The following PLXNA1 variants were observed in gnomAD, a reference collection of about 807,000 sequenced individuals.
The protein encoded by PLXNA1 is plexin-A1.
Under a neutral mutation model 191.7 loss-of-function variants are expected in PLXNA1, and 77 were observed. The ratio of observed to expected loss-of-function variants is 0.40; its 90% CI spans 0.33 to 0.49. The LOEUF (loss-of-function observed/expected upper bound fraction) is 0.49. Ranked by LOEUF, PLXNA1 falls within the 20% of genes least tolerant of loss-of-function variation. The pLI is 0.63. For synonymous variants in PLXNA1, 1,137 were observed against 1,156.4 expected, an observed-to-expected ratio of 0.98 and a Z score of 0.34; for missense variants, 2,110 against 2,660.2, an observed-to-expected ratio of 0.79 and a Z score of 4.55.
At chr3:127,025,082 C>G (rs1182877948) in intron 23 of PLXNA1, among the ~76,000 whole-genome samples, 1 of 152,152 alleles carries the variant, frequency 6.6e-6, no homozygotes, top group African/African-American at 2.4e-5. Context: ...CTTCACCACC[C>G]AGTGCCCCTC....
rs148479611 is a variant in PLXNA1 at position 127,016,326 on chromosome 3, G to A, written c.3015-191G>A. On this transcript the variant is annotated intron_variant, in intron 15 of 31. Coordinates refer to ENST00000393409, the MANE Select transcript of PLXNA1 (RefSeq NM_032242.4). ...TGGGCAACAGTGGGGGCCTGAAGGG[G>A]CTGGGAGCCAGGGCGAGGGTAGGAC... Among the ~76,000 whole-genome samples the A allele has an allele frequency of 3.3e-5, 5 of 152,272 alleles. No individual in the cohort carries two copies. In the East Asian group the frequency reaches 9.7e-4, roughly 29 times the overall value.
intron 3 of PLXNA1, 22 bp downstream of exon 3, chr3:126,991,588 GT>G: frequency 5.8e-6 from 9 of 1,540,780 alleles, no homozygotes; most frequent in Non-Finnish European, 7.9e-6. Context: ...GTGGGGTGGG[GT>G]GAGGAGGGGG....
At position 127,012,026 on chromosome 3, in the gene PLXNA1, G is replaced by C; in HGVS notation, c.2181G>C (p.Leu727=). The change falls in exon 10 of 32, where the codon CTG becomes CTC. Residue 727 remains leucine, a synonymous_variant. Transcript: ENST00000393409. ...VPVGVVKPIT[L]AARNLPQPQS... ...TGGGAGTGGTAAAACCCATCACCCT[G>C]GCCGCACGGAACCTGCCACAGCCAC... 1 of 1,613,704 alleles carries C rather than the reference G, an allele frequency of 6.2e-7. No individual in the cohort carries two copies. The highest frequency in any genetic ancestry group is 8.5e-7 in the Non-Finnish European group (1 of 1,180,030).
At position 126,989,274 on chromosome 3, in the gene PLXNA1, A is replaced by G. The variant is rs1284327696; in HGVS notation, c.681A>G (p.Ser227=). The G allele has an allele frequency of 1.2e-5, 20 of 1,613,584 alleles. No homozygotes were observed. Among genetic ancestry groups the G allele is most frequent in the Non-Finnish European group, 1.7e-5 (20 of 1,180,056 alleles). The change falls in exon 2 of 32, where the codon TCA becomes TCG. Residue 227 remains serine, a synonymous_variant. Transcript: ENST00000393409. ...GFVYQDEFVS[S]QLKIPSDTLS... is the part of the protein sequence containing the mutation. ...TGTACCAGGATGAGTTTGTGTCATC[A>G]CAGCTCAAGATCCCTTCGGACACGC...
chr3:127,024,720 G>C (rs1365085922), intron 23 of PLXNA1, among the ~76,000 whole-genome samples: 1 of 152,152 alleles, frequency 6.6e-6, no homozygotes, highest in Non-Finnish European at 1.5e-5. Context: ...ATATATGCAA[G>C]GGAGGACACG....
Position 127,007,932 on chromosome 3 carries a change from G to A in PLXNA1, c.2112+19G>A. 1 of 1,561,268 alleles carries A rather than the reference G, an allele frequency of 6.4e-7. No individual in the cohort carries two copies. ...GTCTGAGGTAAGGCCGGGCAAGGGT[G>A]AGGGTCAGGTTTTCAGAGGTGGAGC... On this transcript the variant is annotated intron_variant, in intron 9 of 31. Coordinates refer to ENST00000393409, the MANE Select transcript of PLXNA1 (RefSeq NM_032242.4).
rs144486070 is a variant in PLXNA1 at position 127,009,879 on chromosome 3, G to A, written c.2112+1966G>A. ...AGGGCTCCCACGTGGAGCCCCCACC[G>A]AAGCTGAGCTCATGAGACACGCTGA... is the stretch of plus-strand genomic sequence containing the variant. On this transcript the variant is annotated intron_variant, in intron 9 of 31. Transcript: ENST00000393409. Among the ~76,000 whole-genome samples the A allele has an allele frequency of 2.0e-3, 303 of 152,324 alleles. 2 individuals carry two copies. Among genetic ancestry groups the A allele is most frequent in the African/African-American group, 6.8e-3 (284 of 41,582 alleles).
intron 3 of PLXNA1, among the ~76,000 whole-genome samples, chr3:126,997,383 C>G (rs988759298): frequency 2.0e-5 from 3 of 152,186 alleles, no homozygotes; most frequent in African/African-American, 7.2e-5. Flanking sequence ...CAGTGCCCGG[C>G]AGCATGTGGG....
intron 3 of PLXNA1, among the ~76,000 whole-genome samples, chr3:127,002,669 C>T (rs1315757344): frequency 2.0e-5 from 3 of 152,234 alleles, no homozygotes; most frequent in Non-Finnish European, 4.4e-5. Context: ...CTGGAAAGCC[C>T]CGTGGGTCTC....
At position 127,005,184 on chromosome 3, in the gene PLXNA1, G is replaced by A; in HGVS notation, c.1838G>A (p.Gly613Asp). 1 of 1,612,358 alleles carries A rather than the reference G, an allele frequency of 6.2e-7. No individual in the cohort carries two copies. The highest frequency in any genetic ancestry group is 8.5e-7 in the Non-Finnish European group (1 of 1,179,808). ...FTESESVLED[G>D]RIHCRSPSAR... ...GAATCTGAGAGCGTCCTGGAGGATG[G>A]CCGGATCCACTGCCGCTCACCCTCC... is the stretch of plus-strand genomic sequence containing the variant. Residue 613 changes from glycine to aspartate, a missense_variant, in exon 7 of 32, where the codon GGC becomes GAC. Transcript: ENST00000393409.
At chr3:127,030,449 G>A in intron 29 of PLXNA1, 37 bp downstream of exon 29, 1 of 1,607,830 alleles carries the variant, frequency 6.2e-7, no homozygotes, top group Non-Finnish European at 8.5e-7. Flanking sequence ...CATCCCCCAG[G>A]GCCAGGCCAG....
At chr3:127,028,767 G>A (rs1392322836) in intron 25 of PLXNA1, 5 of 577,244 alleles carry the variant, frequency 8.7e-6, no homozygotes, top group South Asian at 2.1e-5. Context: ...CTTGCGGAAG[G>A]CAGGGCAGAC....
At chr3:126,989,902 C>A in intron 2 of PLXNA1, 115 bp downstream of exon 2, 2 of 925,190 alleles carry the variant, frequency 2.2e-6, no homozygotes, top group Non-Finnish European at 1.6e-6. Context: ...TGGCTTTTGG[C>A]TTGGCCATCC....
At chr3:127,021,094 T>C (rs2079150197) in intron 21 of PLXNA1, among the ~76,000 whole-genome samples, 1 of 152,140 alleles carries the variant, frequency 6.6e-6, no homozygotes, top group Admixed American at 6.5e-5. Context: ...CCTTGGATGT[T>C]GGGGAGCCCA....
At chr3:126,993,186 C>T (rs1306944536) in intron 3 of PLXNA1, among the ~76,000 whole-genome samples, 1 of 152,204 alleles carries the variant, frequency 6.6e-6, no homozygotes, top group Non-Finnish European at 1.5e-5. Context: ...GCCTCCTCAC[C>T]CCAGTCCCAC....
intron 3 of PLXNA1, among the ~76,000 whole-genome samples, chr3:126,995,097 C>A (rs759616751): frequency 6.8e-4 from 103 of 152,166 alleles, no homozygotes; most frequent in Non-Finnish European, 1.1e-3. Context: ...TGGCTGGCCC[C>A]GGGCCAGTTC....
intron 1 of PLXNA1, among the ~76,000 whole-genome samples, chr3:126,986,305 T>G (rs1292699731): frequency 6.6e-6 from 1 of 151,396 alleles, no homozygotes; most frequent in Non-Finnish European, 1.5e-5. Context: ...GGGGCGGGAG[T>G]GGGGACTCCT....
intron 1 of PLXNA1, among the ~76,000 whole-genome samples, chr3:126,983,747 C>T (rs1270969918): frequency 1.3e-5 from 2 of 151,894 alleles, no homozygotes; most frequent in Non-Finnish European, 2.9e-5. Context: ...CCAGGCCCGT[C>T]CCGGCCGCTG....
intron 7 of PLXNA1, among the ~76,000 whole-genome samples, chr3:127,005,563 A>G (rs2079063013): frequency 6.6e-6 from 1 of 152,142 alleles, no homozygotes. Context: ...CCGCTACCAT[A>G]ATTATTGCCA....
Sources: gnomAD v4.1 joint callset for allele counts (sites outside exome capture counted in the v4.1 genomes callset) on GRCh38, gnomAD v4.1.1 for gene constraint, MANE v1.5 for transcripts, NCBI Gene and HGNC (gene_info 2026-07-23, HGNC 2026-07-21) for gene names.